The following ANXA1 variants were observed in gnomAD, a reference collection of about 807,000 sequenced individuals.
ANXA1 encodes the protein annexin A1, also known as annexin I (lipocortin I).
ANXA1 carries 39 observed loss-of-function variants against 47.9 expected under a neutral mutation model. The observed-to-expected ratio is 0.81, with a 90% CI of 0.63 to 1.06. The LOEUF (loss-of-function observed/expected upper bound fraction) is 1.06. Ranked by LOEUF, ANXA1 falls within the 50% of genes least tolerant of loss-of-function variation. The probability of loss-of-function intolerance (pLI) is 0.00; values close to 1 mark genes in which losing one functional copy is unlikely to be tolerated. For missense variants in ANXA1, 446 were observed against 422.7 expected, an observed-to-expected ratio of 1.06 and a Z score of -0.48; for synonymous variants, 146 against 142.5, an observed-to-expected ratio of 1.02 and a Z score of -0.17.
chr9:73,158,547 A>C lies in ANXA1; in HGVS notation c.12A>C (p.Val4=), dbSNP rs1243335888. The C allele has an allele frequency of 6.2e-7, 1 of 1,613,544 alleles. No individual in the cohort carries two copies. The highest frequency in any genetic ancestry group is 8.5e-7 in the Non-Finnish European group (1 of 1,179,770). The part of the protein sequence containing the change: MAM[V]SEFLKQAWFI... The stretch of plus-strand genomic sequence containing the variant: ...ACACTTTTTCAAAAATGGCAATGGT[A>C]TCAGAATTCCTCAAGCAGGCCTGGT... Residue 4 remains valine (V), a synonymous_variant, in exon 2 of 13, where the codon GTA becomes GTC. Transcript: ENST00000257497.
Position 73,166,092 on chromosome 9 carries a change from T to C in ANXA1, c.707-5T>C. On this transcript the variant is annotated splice_polypyrimidine_tract_variant and splice_region_variant and intron_variant, in intron 9 of 12. Transcript: ENST00000257497. ...CATGTATCTTAGTTTGAATTTAATATTCAGTGTTTCAGAAATACACCAAGT... is the reference window on the plus strand; with the variant it reads ...CATGTATCTTAGTTTGAATTTAATACTCAGTGTTTCAGAAATACACCAAGT... 51 of 1,594,432 alleles carry C rather than the reference T, an allele frequency of 3.2e-5. No homozygotes were observed. The highest frequency in any genetic ancestry group is 4.2e-5 in the Non-Finnish European group (49 of 1,169,464).
intron 11 of ANXA1, chr9:73,167,793 T>A (rs1824257858): frequency 2.3e-6 from 1 of 437,018 alleles, no homozygotes; most frequent in Non-Finnish European, 4.1e-6. Flanking sequence ...ACGGCTCACT[T>A]GTGATTTGCT....
rs200500450 is a variant in ANXA1, at chr9:73,158,724, C to T, written c.96C>T (p.Pro32=). Residue 32 remains proline, a synonymous_variant, in exon 3 of 13, where the codon CCC becomes CCT. Transcript: ENST00000257497. ...CTGTGAAGTCATCCAAAGGTGGTCCCGGATCAGCGGTGAGCCCCTATCCTA... is the reference window on the plus strand; with the variant it reads ...CTGTGAAGTCATCCAAAGGTGGTCCTGGATCAGCGGTGAGCCCCTATCCTA... ...VQTVKSSKGG[P]GSAVSPYPTF... 89 of 1,613,808 alleles carry T rather than the reference C, an allele frequency of 5.5e-5. 1 individual carries two copies. The highest frequency in any genetic ancestry group is 9.9e-5 in the South Asian group (9 of 91,074).
In ANXA1 at chr9:73,158,710, T is replaced by C; in HGVS notation, c.82T>C (p.Ser28Pro). ...TCATTCTTAGCAAACTGTGAAGTCA[T>C]CCAAAGGTGGTCCCGGATCAGCGGT... is the stretch of plus-strand genomic sequence containing the variant. ...EQEYVQTVKSSKGGPGSAVSP... is the reference protein window; with the variant it reads ...EQEYVQTVKSPKGGPGSAVSP... The change falls in exon 3 of 13, where the codon TCC (serine) becomes CCC (proline). Residue 28 changes from serine to proline, a missense_variant. Ser to Pro is a moderately conservative substitution (Grantham distance 74). Coordinates refer to ENST00000257497, the MANE Select transcript of ANXA1 (RefSeq NM_000700.3). 6.2e-7 allele frequency: 1 copy of C among 1,613,860 alleles called. No homozygotes were observed. Among genetic ancestry groups the C allele is most frequent in the Non-Finnish European group, 8.5e-7 (1 of 1,179,834 alleles).
intron 1 of ANXA1, 158 bp from the exon 2 acceptor site, chr9:73,158,364 C>T (rs1402585796): frequency 8.6e-6 from 5 of 578,920 alleles, no homozygotes; most frequent in Middle Eastern, 4.7e-4. Flanking sequence ...AAAAAAATTA[C>T]GTCTTACATT....
Position 73,170,376 on chromosome 9 carries a change from A to G in ANXA1, c.*269A>G. Reference sequence around the variant, plus strand: ...AAGATGTCTATGTAGCTGAAAATAAAATGACGTCACAAGACAATTGGTGTG... The same window carrying G: ...AAGATGTCTATGTAGCTGAAAATAAGATGACGTCACAAGACAATTGGTGTG... On this transcript the variant is annotated 3_prime_UTR_variant, in exon 13 of 13. Coordinates refer to ENST00000257497, the MANE Select transcript of ANXA1 (RefSeq NM_000700.3). The G allele has an allele frequency of 3.6e-6, 1 of 280,466 alleles. No individual in the cohort carries two copies. Among genetic ancestry groups the G allele is most frequent in the Non-Finnish European group, 6.5e-6 (1 of 152,864 alleles). The allele number at this position is 280,466 out of a possible 1,614,324, so 17.4% of individuals were successfully genotyped here. A position where few individuals can be genotyped will look rare whatever the true frequency, so the allele number is the denominator to read the frequency against.
At chr9:73,162,154 A>C (rs1366648893) in intron 6 of ANXA1, among the ~76,000 whole-genome samples, 1 of 152,174 alleles carries the variant, frequency 6.6e-6, no homozygotes, top group Non-Finnish European at 1.5e-5. Flanking sequence ...ATCTGCCCCC[A>C]TCATCCAAAC....
At chr9:73,157,145 T>A (rs926504495) in intron 1 of ANXA1, among the ~76,000 whole-genome samples, 1 of 152,064 alleles carries the variant, frequency 6.6e-6, no homozygotes, top group African/African-American at 2.4e-5. Flanking sequence ...GTTTTTTGTG[T>A]TGGGTGGGAA....
At chr9:73,153,635 A>T (rs2118128080) in intron 1 of ANXA1, among the ~76,000 whole-genome samples, 1 of 152,336 alleles carries the variant, frequency 6.6e-6, no homozygotes, top group Admixed American at 6.5e-5. Context: ...ATCAAGAACC[A>T]GTATACTTCA....
intron 1 of ANXA1, chr9:73,157,802 C>T (rs1261047024): frequency 6.6e-6 from 1 of 151,992 alleles, no homozygotes; most frequent in Non-Finnish European, 1.5e-5. Context: ...AGCCATTCTC[C>T]ATGATAAAGG....
chr9:73,163,441 G>A, intron 7 of ANXA1, 35 bp from the exon 8 acceptor site: 1 of 1,598,550 alleles, frequency 6.3e-7, no homozygotes, highest in South Asian at 1.1e-5. Flanking sequence ...TTACATGCTA[G>A]AGAAGAGCTT....
At chr9:73,159,492 A>G (rs1824103271) in intron 4 of ANXA1, 69 bp downstream of exon 4, 2 of 1,343,726 alleles carry the variant, frequency 1.5e-6, no homozygotes. Flanking sequence ...ATTCGGAAGC[A>G]CAGTTACCTA....
intron 1 of ANXA1, among the ~76,000 whole-genome samples, chr9:73,154,744 A>G (rs1489407070): frequency 6.6e-6 from 1 of 152,136 alleles, no homozygotes; most frequent in African/African-American, 2.4e-5. Context: ...CAGCCAAAAT[A>G]TATAACACTT....
At chr9:73,161,375 T>A (rs1266361076) in intron 6 of ANXA1, among the ~76,000 whole-genome samples, 1 of 152,186 alleles carries the variant, frequency 6.6e-6, no homozygotes, top group Non-Finnish European at 1.5e-5. Context: ...TTGGAAACCT[T>A]AACTTTATCG....
rs1358745513 is a variant in ANXA1, at chr9:73,167,522, T to C, written c.828T>C (p.Ala276=). 3 of 1,613,388 alleles carry C rather than the reference T, an allele frequency of 1.9e-6. No individual in the cohort carries two copies. Among genetic ancestry groups the C allele is most frequent in the Non-Finnish European group, 2.5e-6 (3 of 1,179,578 alleles). The change falls in exon 11 of 13, where the codon GCT becomes GCC. Residue 276 remains alanine, a synonymous_variant. Coordinates refer to ENST00000257497, the MANE Select transcript of ANXA1 (RefSeq NM_000700.3). The part of the protein sequence containing the change: ...AIVKCATSKP[A]FFAEKLHQAM... ...TGAAGTGCGCCACAAGCAAACCAGC[T>C]TTCTTTGCAGAGAAGCTTCATCAAG...
intron 9 of ANXA1, 33 bp downstream of exon 9, chr9:73,165,242 T>C (rs771133838): frequency 6.4e-7 from 1 of 1,556,378 alleles, no homozygotes; most frequent in East Asian, 2.3e-5. Flanking sequence ...GGAATCTGTT[T>C]ATGGAAGATG....
At chr9:73,166,001 T>C (rs1824222741) in intron 9 of ANXA1, 96 bp from the exon 10 acceptor site, 5 of 800,816 alleles carry the variant, frequency 6.2e-6, no homozygotes, top group Non-Finnish European at 9.9e-6. Context: ...AAGTTGTTAT[T>C]CTAAAAAATT....
At chr9:73,166,856 T>C (rs1168157427) in intron 10 of ANXA1, among the ~76,000 whole-genome samples, 1 of 152,288 alleles carries the variant, frequency 6.6e-6, no homozygotes, top group African/African-American at 2.4e-5. Flanking sequence ...CTCGACAAGA[T>C]GAAGAACACT....
chr9:73,169,654 G>A lies in ANXA1; in HGVS notation c.985-397G>A, dbSNP rs991670918. On this transcript the variant is annotated intron_variant, in intron 12 of 12. Coordinates refer to ENST00000257497, the MANE Select transcript of ANXA1 (RefSeq NM_000700.3). Reference sequence around the variant, plus strand: ...TCAAATTTAATTAATTAGTCATATTGGATAACTAAAATCTACCCAGAAAAT... The same window carrying A: ...TCAAATTTAATTAATTAGTCATATTAGATAACTAAAATCTACCCAGAAAAT... 6.6e-5 allele frequency among the ~76,000 whole-genome samples: 10 copies of A among 152,064 alleles called. No homozygotes were observed. In the East Asian group the frequency reaches 1.9e-3, roughly 29 times the overall value.
Sources: gnomAD v4.1 joint callset for allele counts (sites outside exome capture counted in the v4.1 genomes callset) on GRCh38, gnomAD v4.1.1 for gene constraint, MANE v1.5 for transcripts, NCBI Gene and HGNC (gene_info 2026-07-23, HGNC 2026-07-21) for gene names.